The following PLCXD2 variants were observed in gnomAD, a reference collection of about 807,000 sequenced individuals.
PLCXD2 encodes the protein PI-PLC X domain-containing protein 2.
Under a neutral mutation model 28.6 loss-of-function variants are expected in PLCXD2, and 21 were observed. That is an observed-to-expected ratio of 0.73 (90% CI 0.52 to 1.06). The LOEUF is 1.06. Among genes scored for constraint, PLCXD2 ranks in the 50% least tolerant of loss-of-function variants. The probability of loss-of-function intolerance (pLI) is 0.00; values close to 1 mark genes in which losing one functional copy is unlikely to be tolerated. For missense variants in PLCXD2, 369 were observed against 376.7 expected, an observed-to-expected ratio of 0.98 and a Z score of 0.17; for synonymous variants, 140 against 150.1, an observed-to-expected ratio of 0.93 and a Z score of 0.49.
intron 3 of PLCXD2, among the ~76,000 whole-genome samples, chr3:111,715,760 GC>G (rs1490530262): frequency 6.6e-6 from 1 of 152,090 alleles, no homozygotes; most frequent in African/African-American, 2.4e-5. Context: ...TCAGACTCTG[GC>G]CTTCTGATCG....
chr3:111,721,317 GACC>G (rs896461051), intron 3 of PLCXD2: 3 of 152,282 alleles, frequency 2.0e-5, no homozygotes, highest in African/African-American at 7.2e-5. Flanking sequence ...TGCAGCTGTG[GACC>G]ACCATCTGGG....
At chr3:111,698,346 G>T (rs548862280) in intron 1 of PLCXD2, among the ~76,000 whole-genome samples, 6 of 152,142 alleles carry the variant, frequency 3.9e-5, no homozygotes, top group Non-Finnish European at 7.3e-5. Flanking sequence ...GTAGAGCCAG[G>T]ATTATGAACT....
chr3:111,714,212 CATG>C, intron 3 of PLCXD2, 84 bp downstream of exon 3: 6 of 1,466,210 alleles, frequency 4.1e-6, no homozygotes, highest in Non-Finnish European at 5.4e-6. Flanking sequence ...GCAGTAAAGC[CATG>C]TAGTCTGAGG....
At chr3:111,682,312 G>A (rs1257068563) in intron 1 of PLCXD2, among the ~76,000 whole-genome samples, 1 of 152,162 alleles carries the variant, frequency 6.6e-6, no homozygotes, top group African/African-American at 2.4e-5. Flanking sequence ...GCTCTAAGGG[G>A]CATGCCTAGG....
intron 1 of PLCXD2, among the ~76,000 whole-genome samples, chr3:111,686,532 GT>G (rs1304348341): frequency 6.6e-6 from 1 of 152,144 alleles, no homozygotes; most frequent in Non-Finnish European, 1.5e-5. Flanking sequence ...TGAGAAGAAG[GT>G]TTAAAGATGT....
intron 2 of PLCXD2, among the ~76,000 whole-genome samples, chr3:111,713,053 C>T (rs4630914): frequency 0.13 from 19,626 of 152,196 alleles, 1,712 homozygotes; most frequent in African/African-American, 0.24. Flanking sequence ...AAGGGCAGTT[C>T]CAGGCAGAGC....
At chr3:111,698,199 A>G (rs763006242) in intron 1 of PLCXD2, among the ~76,000 whole-genome samples, 3 of 152,246 alleles carry the variant, frequency 2.0e-5, no homozygotes, top group Non-Finnish European at 4.4e-5. Flanking sequence ...TCTATTAGCC[A>G]AGGACTCTTC....
intron 1 of PLCXD2, among the ~76,000 whole-genome samples, chr3:111,702,802 C>A (rs1447105128): frequency 6.6e-6 from 1 of 152,174 alleles, no homozygotes; most frequent in African/African-American, 2.4e-5. Flanking sequence ...AGGGAAGAAT[C>A]ACTGTCTTTA....
In PLCXD2 at chr3:111,675,086, G is replaced by C. The variant is rs1576450203; in HGVS notation, c.-160G>C. On this transcript the variant is annotated 5_prime_UTR_variant, in exon 1 of 5. Transcript: ENST00000477665. ...GAGAGTGGGGACTGTGAGTGCTAGT[G>C]GGTAAGGATCCATCTGTTTGCCCCG... 1.4e-6 allele frequency: 1 copy of C among 736,916 alleles called. No individual in the cohort carries two copies. Among genetic ancestry groups the C allele is most frequent in the South Asian group, 1.8e-5 (1 of 54,904 alleles). 45.6% of individuals were successfully genotyped at this position (736,916 alleles called of 1,614,324 possible).
intron 3 of PLCXD2, among the ~76,000 whole-genome samples, chr3:111,718,919 T>C (rs1198512842): frequency 6.6e-6 from 1 of 152,210 alleles, no homozygotes; most frequent in Non-Finnish European, 1.5e-5. Flanking sequence ...TTTATGTCAC[T>C]AAATAACTGG....
At position 111,714,218 on chromosome 3, in the gene PLCXD2, G is replaced by T. The variant is rs1056709530; in HGVS notation, c.866+90G>T. The T allele has an allele frequency of 1.9e-5, 27 of 1,435,874 alleles. 1 individual carries two copies. In the South Asian group the frequency reaches 3.8e-4, roughly 20 times the overall value. The allele number at this position is 1,435,874 out of a possible 1,614,324, so 88.9% of individuals were successfully genotyped here. ...GAGTAAATCGCAGTAAAGCCATGTAGTCTGAGGAGTTAGAAAAACAACAAA... is the reference window on the plus strand; with the variant it reads ...GAGTAAATCGCAGTAAAGCCATGTATTCTGAGGAGTTAGAAAAACAACAAA... On this transcript the variant is annotated intron_variant, in intron 3 of 4. Transcript: ENST00000477665.
intron 3 of PLCXD2, among the ~76,000 whole-genome samples, chr3:111,716,957 G>T (rs1033646473): frequency 6.6e-6 from 1 of 152,140 alleles, no homozygotes; most frequent in Non-Finnish European, 1.5e-5. Flanking sequence ...ATAAGAAGGC[G>T]GCTGTCTGCA....
intron 1 of PLCXD2, among the ~76,000 whole-genome samples, chr3:111,690,754 C>A (rs1236091781): frequency 6.6e-6 from 1 of 152,188 alleles, no homozygotes; most frequent in African/African-American, 2.4e-5. Context: ...AGAAAAAAAC[C>A]TCTTCTTATC....
intron 1 of PLCXD2, among the ~76,000 whole-genome samples, chr3:111,696,134 G>GA (rs1379282292): frequency 6.6e-6 from 1 of 152,166 alleles, no homozygotes; most frequent in Non-Finnish European, 1.5e-5. Context: ...TCGTCCTTCA[G>GA]AGATGGGAAA....
intron 1 of PLCXD2, among the ~76,000 whole-genome samples, chr3:111,702,867 A>G (rs1254768050): frequency 2.0e-5 from 3 of 152,350 alleles, no homozygotes; most frequent in East Asian, 1.9e-4. Flanking sequence ...ACAAACTTTG[A>G]TAGTGAATTT....
At chr3:111,715,782 G>A (rs1941259056) in intron 3 of PLCXD2, among the ~76,000 whole-genome samples, 1 of 152,062 alleles carries the variant, frequency 6.6e-6, no homozygotes, top group Admixed American at 6.5e-5. Flanking sequence ...TTAGACCACT[G>A]CCCTTTTCAG....
chr3:111,692,158 C>T lies in PLCXD2; in HGVS notation c.164-15768C>T, dbSNP rs574015924. The stretch of plus-strand genomic sequence containing the variant: ...CCGGGTTCATGCCGTTCTCCAGCTT[C>T]AGCCGCCCGAGTAGCTGGGACTGCA... On this transcript the variant is annotated intron_variant, in intron 1 of 4. Coordinates refer to ENST00000477665, the MANE Select transcript of PLCXD2 (RefSeq NM_001185106.1). Among the ~76,000 whole-genome samples, 7 of 152,314 alleles carry T rather than the reference C, an allele frequency of 4.6e-5. No individual in the cohort carries two copies. The South Asian group carries it at 1.4e-3, about 32-fold the overall frequency.
intron 3 of PLCXD2, among the ~76,000 whole-genome samples, chr3:111,718,331 G>A (rs1439754178): frequency 2.0e-5 from 3 of 152,106 alleles, no homozygotes; most frequent in Non-Finnish European, 1.5e-5. Flanking sequence ...TGGGCGTGGT[G>A]GCGGGCGCCT....
chr3:111,723,968 TACAA>T (rs1941381612), intron 3 of PLCXD2: 2 of 152,186 alleles, frequency 1.3e-5, no homozygotes, highest in African/African-American at 2.4e-5. Context: ...TATTCTGAAA[TACAA>T]CTGAGCTATT....
Sources: allele counts gnomAD v4.1 joint callset (sites outside exome capture counted in the v4.1 genomes callset), GRCh38; gene constraint gnomAD v4.1.1; transcripts MANE v1.5; gene names NCBI Gene and HGNC (gene_info 2026-07-23, HGNC 2026-07-21).